The following ROBO2 variants were observed in gnomAD, a reference collection of about 807,000 sequenced individuals.
The protein encoded by ROBO2 is roundabout homolog 2.
A neutral mutation model predicts 160.8 loss-of-function variants in ROBO2; 53 were observed. The ratio of observed to expected loss-of-function variants is 0.33; its 90% CI spans 0.26 to 0.41. ROBO2 has a LOEUF of 0.41. Ranked by LOEUF, ROBO2 falls within the 10% of genes least tolerant of loss-of-function variation. The pLI, the probability that ROBO2 is intolerant of heterozygous loss-of-function variation, is 1.00. For missense variants in ROBO2, 1,577 were observed against 1,722.4 expected (o/e 0.92, Z 1.49); for synonymous variants, 664 against 611.7 (o/e 1.09, Z -1.26).
At chr3:77,311,669 T>C (rs966137271) in intron 2 of ROBO2, among the ~76,000 whole-genome samples, 41 of 152,234 alleles carry the variant, frequency 2.7e-4, no homozygotes, top group African/African-American at 4.8e-5. Context: ...TCTTAACTTC[T>C]CAGGGTTCTT....
chr3:76,414,835 A>G (rs1361146838), intron 2 of ROBO2, among the ~76,000 whole-genome samples: 2 of 152,102 alleles, frequency 1.3e-5, no homozygotes, highest in African/African-American at 4.8e-5. Flanking sequence ...AAAAAACAGC[A>G]ACAAAAAAAA....
At chr3:77,491,375 T>C (rs2086087680) in intron 4 of ROBO2, among the ~76,000 whole-genome samples, 2 of 152,144 alleles carry the variant, frequency 1.3e-5, no homozygotes, top group Admixed American at 6.5e-5. Context: ...CTCTTTAACA[T>C]TGGGTTAATG....
At position 77,463,637 on chromosome 3, in the gene ROBO2, G is replaced by A. The variant is rs540705280; in HGVS notation, c.389-13777G>A. ...ACTCTGTTGCCCAGACTGGAGTGCA[G>A]TGGTGCAATCATGTTTCACTGCAGC... On this transcript the variant is annotated intron_variant, in intron 2 of 25. Coordinates refer to ENST00000461745, the Ensembl canonical transcript of ROBO2. Among the ~76,000 whole-genome samples the A allele has an allele frequency of 4.6e-5, 7 of 152,102 alleles. No homozygotes were observed. In the South Asian group the frequency reaches 1.5e-3, roughly 32 times the overall value.
intron 5 of ROBO2, among the ~76,000 whole-genome samples, chr3:77,509,436 T>C (rs1207400186): frequency 6.6e-6 from 1 of 152,056 alleles, no homozygotes; most frequent in African/African-American, 2.4e-5. Flanking sequence ...AAGGATATTC[T>C]ATTTAACTTA....
intron 2 of ROBO2, among the ~76,000 whole-genome samples, chr3:77,433,795 A>C (rs2079027222): frequency 6.6e-6 from 1 of 151,932 alleles, no homozygotes. Flanking sequence ...GTCTCAGTAA[A>C]TACATCCACC....
chr3:76,317,551 CAG>C (rs2072141317), intron 2 of ROBO2, among the ~76,000 whole-genome samples: 1 of 152,090 alleles, frequency 6.6e-6, no homozygotes, highest in African/African-American at 2.4e-5. Flanking sequence ...ATGCAAAATG[CAG>C]AGTGTTCTTT....
At chr3:76,694,247 G>A (rs536275420) in intron 2 of ROBO2, among the ~76,000 whole-genome samples, 1 of 152,252 alleles carries the variant, frequency 6.6e-6, no homozygotes, top group African/African-American at 2.4e-5. Flanking sequence ...TTCCAAATCA[G>A]TGCCAGAGAT....
At chr3:76,280,499 C>A (rs538437833) in intron 2 of ROBO2, among the ~76,000 whole-genome samples, 61 of 152,102 alleles carry the variant, frequency 4.0e-4, no homozygotes, top group Admixed American at 1.5e-3. Context: ...TGAGCCTAAA[C>A]CTTGCTCCTA....
intron 2 of ROBO2, among the ~76,000 whole-genome samples, chr3:76,257,816 G>A (rs1271744447): frequency 6.6e-6 from 1 of 152,088 alleles, no homozygotes; most frequent in African/African-American, 2.4e-5. Flanking sequence ...TTATATCAGT[G>A]CATCCTCCAT....
At chr3:76,531,890 C>A (rs1031007610) in intron 2 of ROBO2, among the ~76,000 whole-genome samples, 13 of 152,106 alleles carry the variant, frequency 8.5e-5, no homozygotes, top group African/African-American at 3.1e-4. Flanking sequence ...TTCCCCAACT[C>A]CCAAAACAGG....
chr3:76,003,637 A>G (rs572325704), intron 2 of ROBO2, among the ~76,000 whole-genome samples: 9 of 152,306 alleles, frequency 5.9e-5, no homozygotes, highest in Admixed American at 4.6e-4. Flanking sequence ...TCAACCAACT[A>G]TGGATAGAAA....
chr3:76,629,669 T>C (rs750422669), intron 2 of ROBO2, among the ~76,000 whole-genome samples: 1 of 152,150 alleles, frequency 6.6e-6, no homozygotes, highest in Non-Finnish European at 1.5e-5. Flanking sequence ...GACAGCATCC[T>C]CACAGACACG....
At chr3:76,251,284 A>G (rs752468820) in intron 2 of ROBO2, among the ~76,000 whole-genome samples, 36 of 152,064 alleles carry the variant, frequency 2.4e-4, no homozygotes, top group Non-Finnish European at 4.6e-4. Context: ...ATCCACCTTC[A>G]GCTAGTTGCG....
intron 2 of ROBO2, among the ~76,000 whole-genome samples, chr3:76,571,891 T>C (rs1309444920): frequency 6.6e-6 from 1 of 152,146 alleles, no homozygotes; most frequent in East Asian, 1.9e-4. Flanking sequence ...CAGACCATTC[T>C]AAAAGTGTTG....
chr3:76,300,197 C>G (rs578161789), intron 2 of ROBO2, among the ~76,000 whole-genome samples: 13 of 152,086 alleles, frequency 8.5e-5, no homozygotes, highest in African/African-American at 3.1e-4. Context: ...AGGTTCTTGG[C>G]AAAATTGAGT....
At chr3:77,610,741 CAAAAA>C (rs71629658) in intron 21 of ROBO2, among the ~76,000 whole-genome samples, 5 of 19,820 alleles carry the variant, frequency 2.5e-4, no homozygotes, top group Non-Finnish European at 3.8e-4. Context: ...GGCCAAAGAC[CAAAAA>C]AAAAAAAAAA....
At chr3:76,972,769 G>A (rs923860223) in intron 2 of ROBO2, among the ~76,000 whole-genome samples, 1 of 152,066 alleles carries the variant, frequency 6.6e-6, no homozygotes, top group African/African-American at 2.4e-5. Flanking sequence ...TGAGGTAGGA[G>A]GAATACAACA....
chr3:76,803,446 GGGAA>G lies in ROBO2; in HGVS notation c.110-294554_110-294551del, dbSNP rs201925731. ...GATACAAAAGAGGAGGAAGGATGGA[GGGAA>G]GGAAGGAAGGAAGAAAGGAAGGAAG... On this transcript the variant is annotated intron_variant, in intron 2 of 26. Transcript: ENST00000487694. Among the ~76,000 whole-genome samples the G allele has an allele frequency of 8.2e-3, 1,209 of 146,942 alleles. 14 individuals are homozygous for G. Among genetic ancestry groups the G allele is most frequent in the African/African-American group, 0.028 (1,092 of 39,088 alleles).
intron 5 of ROBO2, among the ~76,000 whole-genome samples, chr3:77,495,244 T>C (rs372183337): frequency 9.2e-4 from 140 of 152,324 alleles, no homozygotes; most frequent in African/African-American, 3.1e-3. Context: ...CCCTTGTGCA[T>C]TGAAACTTTA....
Sources: allele counts gnomAD v4.1 joint callset (sites outside exome capture counted in the v4.1 genomes callset), GRCh38; gene constraint gnomAD v4.1.1; transcripts MANE v1.5; gene names NCBI Gene and HGNC (gene_info 2026-07-23, HGNC 2026-07-21).